TMEM132D: variants seen among roughly 807,000 people sequenced by gnomAD.
TMEM132D encodes transmembrane protein 132D.
Under a neutral mutation model 62.3 loss-of-function variants are expected in TMEM132D, and 21 were observed. The ratio of observed to expected loss-of-function variants is 0.34; its 90% CI spans 0.24 to 0.49. The LOEUF is 0.49. Ranked by LOEUF, TMEM132D falls within the 20% of genes least tolerant of loss-of-function variation. The pLI is 0.99. For missense variants in TMEM132D, 1,346 were observed against 1,402.8 expected, an observed-to-expected ratio of 0.96 and a Z score of 0.65; for synonymous variants, 621 against 575.6, an observed-to-expected ratio of 1.08 and a Z score of -1.13.
intron 5 of TMEM132D, among the ~76,000 whole-genome samples, chr12:129,164,081 A>G (rs1215924178): frequency 6.6e-6 from 1 of 152,210 alleles, no homozygotes; most frequent in Non-Finnish European, 1.5e-5. Context: ...GTTACCCAGT[A>G]TGCAGCTCGA....
chr12:129,087,944 G>A lies in TMEM132D; in HGVS notation c.1444-3242C>T, dbSNP rs75373021. Among the ~76,000 whole-genome samples the A allele has an allele frequency of 3.6e-4, 12 of 33,740 alleles. 1 individual carries two copies. Among genetic ancestry groups the A allele is most frequent in the African/African-American group, 1.1e-3 (11 of 9,644 alleles). The allele number at this position is 33,740 out of a possible 152,430, so 22.1% of individuals were successfully genotyped here. On this transcript the variant is annotated intron_variant, in intron 5 of 8. Coordinates refer to ENST00000422113, the MANE Select transcript of TMEM132D (RefSeq NM_133448.3). ...CCTGACCGGGTGTCCTCCATGACCG[G>A]GGTGTCCTCCCTGACCGGGGTGTCC... is the stretch of plus-strand genomic sequence containing the variant.
intron 3 of TMEM132D, among the ~76,000 whole-genome samples, chr12:129,496,423 C>T (rs1393560936): frequency 1.3e-5 from 2 of 152,048 alleles, no homozygotes; most frequent in African/African-American, 4.8e-5. Context: ...AAATGTTTGG[C>T]TGACTCAGCT....
chr12:129,784,413 AT>A (rs11338065), intron 1 of TMEM132D, among the ~76,000 whole-genome samples: 9,074 of 152,210 alleles, frequency 0.06, 320 homozygotes, highest in East Asian at 0.1. Context: ...TTTTTTTTCA[AT>A]TTTTAAAGTA....
intron 3 of TMEM132D, among the ~76,000 whole-genome samples, chr12:129,340,039 C>T (rs1422019836): frequency 6.6e-6 from 1 of 152,118 alleles, no homozygotes; most frequent in Non-Finnish European, 1.5e-5. Context: ...ATCAGGAAAA[C>T]CTTATACATC....
intron 5 of TMEM132D, among the ~76,000 whole-genome samples, chr12:129,187,245 C>T (rs1878244821): frequency 6.6e-6 from 1 of 151,802 alleles, no homozygotes. Flanking sequence ...ACAAAAAATA[C>T]TGATATTGGA....
At chr12:129,423,034 A>G (rs1872376383) in intron 3 of TMEM132D, among the ~76,000 whole-genome samples, 1 of 151,926 alleles carries the variant, frequency 6.6e-6, no homozygotes, top group Admixed American at 6.6e-5. Flanking sequence ...GCCTCATCAG[A>G]GAAAGCACAT....
intron 5 of TMEM132D, among the ~76,000 whole-genome samples, chr12:129,140,800 C>G (rs1334242341): frequency 1.3e-5 from 2 of 150,304 alleles, no homozygotes; most frequent in Non-Finnish European, 2.9e-5. Flanking sequence ...GATTGTGCCA[C>G]TGCACTCCAG....
chr12:129,487,029 TA>T (rs1315418909), intron 3 of TMEM132D, among the ~76,000 whole-genome samples: 1 of 106,078 alleles, frequency 9.4e-6, no homozygotes, highest in Non-Finnish European at 2.3e-5. Flanking sequence ...AATGTTTGCG[TA>T]TGGGGGGGGG....
intron 1 of TMEM132D, among the ~76,000 whole-genome samples, chr12:129,766,267 C>G (rs1870552408): frequency 6.6e-6 from 1 of 152,030 alleles, no homozygotes; most frequent in Admixed American, 6.6e-5. Context: ...TTAGCCCTGA[C>G]TTATACTCAC....
intron 3 of TMEM132D, among the ~76,000 whole-genome samples, chr12:129,351,664 C>A (rs1326638730): frequency 6.6e-6 from 1 of 152,190 alleles, no homozygotes; most frequent in Non-Finnish European, 1.5e-5. Flanking sequence ...CCAACAACTG[C>A]CCAGTTCTTG....
At chr12:129,721,064 A>C (rs186465455) in intron 1 of TMEM132D, among the ~76,000 whole-genome samples, 1 of 152,216 alleles carries the variant, frequency 6.6e-6, no homozygotes, top group African/African-American at 2.4e-5. Context: ...AGGACATGGC[A>C]TTTGAGCCGG....
At chr12:129,809,227 G>A (rs549844405) in intron 1 of TMEM132D, among the ~76,000 whole-genome samples, 2 of 150,736 alleles carry the variant, frequency 1.3e-5, no homozygotes, top group South Asian at 4.2e-4. Flanking sequence ...AGAATCGCTT[G>A]AACCCAGGAG....
At chr12:129,343,463 T>C (rs1194414975) in intron 3 of TMEM132D, among the ~76,000 whole-genome samples, 2 of 151,982 alleles carry the variant, frequency 1.3e-5, no homozygotes, top group East Asian at 3.9e-4. Context: ...CATTAGGAGA[T>C]ATACCTAATG....
At chr12:129,202,540 A>G (rs1177885549) in intron 5 of TMEM132D, among the ~76,000 whole-genome samples, 1 of 152,208 alleles carries the variant, frequency 6.6e-6, no homozygotes, top group African/African-American at 2.4e-5. Context: ...TCAGAAACAA[A>G]GAGAGGAAAA....
At chr12:129,447,359 A>G (rs890629090) in intron 3 of TMEM132D, among the ~76,000 whole-genome samples, 17 of 152,192 alleles carry the variant, frequency 1.1e-4, no homozygotes, top group Non-Finnish European at 2.4e-4. Context: ...ATTCATTTTG[A>G]AAGGAAGCAT....
At chr12:129,675,384 G>A (rs1044435108) in intron 2 of TMEM132D, among the ~76,000 whole-genome samples, 1 of 150,522 alleles carries the variant, frequency 6.6e-6, no homozygotes, top group Non-Finnish European at 1.5e-5. Context: ...GGGGTGGGGG[G>A]CAAGGGGAGG....
chr12:129,699,902 G>T lies in TMEM132D; in HGVS notation c.876C>A (p.Ile292=), dbSNP rs775342588. 1.4e-5 allele frequency: 23 copies of T among 1,614,180 alleles called. No homozygotes were observed. Among genetic ancestry groups the T allele is most frequent in the Non-Finnish European group, 1.9e-5 (23 of 1,180,036 alleles). Reference sequence around the variant, plus strand: ...TCCTCACGGTCTTTGGTATATAGTGGATGGCCACGCTGTTGTCCAGACGCA... The same window carrying T: ...TCCTCACGGTCTTTGGTATATAGTGTATGGCCACGCTGTTGTCCAGACGCA... The part of the protein sequence containing the change: ...RELRLDNSVA[I]HYIPKTVRKG... The change falls in exon 2 of 9, where the codon ATC becomes ATA. Residue 292 remains isoleucine (I), a synonymous_variant. Coordinates refer to ENST00000422113, the MANE Select transcript of TMEM132D (RefSeq NM_133448.3).
chr12:129,832,766 G>A (rs1354860815), intron 1 of TMEM132D, among the ~76,000 whole-genome samples: 2 of 152,148 alleles, frequency 1.3e-5, no homozygotes, highest in African/African-American at 4.8e-5. Flanking sequence ...TGATCTGAGA[G>A]GAAGGCTTTC....
rs80059161 is a variant in TMEM132D at position 129,122,006 on chromosome 12, C to T, written c.1444-37304G>A. On this transcript the variant is annotated intron_variant, in intron 5 of 8. Transcript: ENST00000422113. ...GATGGATGGCAGGCTCATGGAAGCC[C>T]GCCGATTCTGGCCCTGTTCTTCCGA... Among the ~76,000 whole-genome samples the T allele has an allele frequency of 4.0e-3, 607 of 152,222 alleles. 1 individual carries two copies. Among genetic ancestry groups the T allele is most frequent in the African/African-American group, 0.014 (588 of 41,548 alleles).
Sources: gnomAD v4.1 joint callset for allele counts (sites outside exome capture counted in the v4.1 genomes callset) on GRCh38, gnomAD v4.1.1 for gene constraint, MANE v1.5 for transcripts, NCBI Gene and HGNC (gene_info 2026-07-23, HGNC 2026-07-21) for gene names.